The following COLGALT1 variants were observed in gnomAD, a reference collection of about 807,000 sequenced individuals.
COLGALT1 encodes collagen beta(1-O)galactosyltransferase 1.
Under a neutral mutation model 60.8 loss-of-function variants are expected in COLGALT1, and 43 were observed. That is an observed-to-expected ratio of 0.71 (90% CI 0.55 to 0.91). The LOEUF is 0.91. COLGALT1 is among the 40% of genes least tolerant of loss of function. The pLI, the probability that COLGALT1 is intolerant of heterozygous loss-of-function variation, is 0.00. For missense variants in COLGALT1, 845 were observed against 880.0 expected (o/e 0.96, Z 0.50); for synonymous variants, 369 against 374.2 (o/e 0.99, Z 0.16).
At chr19:17,568,429 G>A (rs1268503106) in intron 4 of COLGALT1, 80 bp from the exon 5 acceptor site, 2 of 1,283,030 alleles carry the variant, frequency 1.6e-6, no homozygotes, top group African/African-American at 1.5e-5. Context: ...GTCTGGTCCT[G>A]TTTCATGCCG....
In COLGALT1 at chr19:17,582,357, T is replaced by G. The variant is rs564232734; in HGVS notation, c.*913T>G. On this transcript the variant is annotated 3_prime_UTR_variant, in exon 12 of 12. Transcript: ENST00000252599. The stretch of plus-strand genomic sequence containing the variant: ...TGAGCACCTGCTGTGTGCAGGGAGC[T>G]GAGCTATGGGATGGGAATGGGAGTA... The G allele has an allele frequency of 6.6e-6, 1 of 152,360 alleles. No individual in the cohort carries two copies. Among genetic ancestry groups the G allele is most frequent in the African/African-American group, 2.4e-5 (1 of 41,566 alleles). 9.4% of individuals were successfully genotyped at this position (152,360 alleles called of 1,614,324 possible).
At chr19:17,567,755 A>G (rs577202519) in intron 4 of COLGALT1, among the ~76,000 whole-genome samples, 27 of 151,496 alleles carry the variant, frequency 1.8e-4, no homozygotes, top group African/African-American at 4.6e-4. Context: ...CCTGGGCAAC[A>G]TGGTGAAACC....
At chr19:17,564,301 A>G (rs1599781212) in intron 3 of COLGALT1, among the ~76,000 whole-genome samples, 2 of 120,378 alleles carry the variant, frequency 1.7e-5, no homozygotes, top group African/African-American at 5.9e-5. Context: ...GTGTATACAT[A>G]TATACATATA....
At chr19:17,561,153 C>T (rs1385733853) in intron 3 of COLGALT1, among the ~76,000 whole-genome samples, 6 of 151,518 alleles carry the variant, frequency 4.0e-5, no homozygotes, top group Admixed American at 6.6e-5. Flanking sequence ...TGCAGTGAGC[C>T]GAGATCGTGC....
At position 17,577,473 on chromosome 19, in the gene COLGALT1, T is replaced by A; in HGVS notation, c.1133+6T>A. 1 of 86,428 alleles carries A rather than the reference T, an allele frequency of 1.2e-5. No homozygotes were observed. The highest frequency in any genetic ancestry group is 2.9e-4 in the South Asian group (1 of 3,478). The allele number at this position is 86,428 out of a possible 1,614,324, so 5.4% of individuals were successfully genotyped here. A position where few individuals can be genotyped will look rare whatever the true frequency, so the allele number is the denominator to read the frequency against. On this transcript the variant is annotated splice_donor_region_variant and intron_variant, in intron 8 of 11. Transcript: ENST00000252599. ...GTGGAGGCCGTGGACGGCAAGTGAG[T>A]CCGAGGCCTGGGGGTGGGGGGGCGG... is the stretch of plus-strand genomic sequence containing the variant.
intron 5 of COLGALT1, among the ~76,000 whole-genome samples, chr19:17,570,716 C>T (rs2076307688): frequency 6.6e-6 from 1 of 152,022 alleles, no homozygotes; most frequent in African/African-American, 2.4e-5. Context: ...CAGGTGTGCA[C>T]CACCACGCCT....
intron 10 of COLGALT1, 69 bp from the exon 11 acceptor site, chr19:17,580,630 C>T: frequency 6.6e-7 from 1 of 1,524,880 alleles, no homozygotes; most frequent in Non-Finnish European, 9.0e-7. Flanking sequence ...GTAACTAGAT[C>T]CCTGGCTTTC....
chr19:17,577,332 G>C (rs774921175), intron 7 of COLGALT1, 29 bp from the exon 8 acceptor site: 4 of 1,607,478 alleles, frequency 2.5e-6, no homozygotes, highest in East Asian at 4.5e-5. Context: ...TGCAGGGGCT[G>C]ATCTGGCTGG....
intron 4 of COLGALT1, 101 bp downstream of exon 4, chr19:17,567,641 CA>C: frequency 7.3e-6 from 10 of 1,376,318 alleles, no homozygotes; most frequent in Non-Finnish European, 9.9e-6. Context: ...GTGTGTTTTA[CA>C]AAAATCATCA....
intron 3 of COLGALT1, among the ~76,000 whole-genome samples, chr19:17,561,038 C>G (rs990197372): frequency 3.3e-5 from 5 of 151,710 alleles, no homozygotes. Flanking sequence ...GACTCCATCT[C>G]TACTAAAAAT....
rs10423214 is a variant in COLGALT1, at chr19:17,582,013, A to G, written c.*569A>G. ...AGCCTGCGCCTCCCAGCGTCCAGCA[A>G]TTCTTGTTTCTCGGCCTCCCAAGTA... On this transcript the variant is annotated 3_prime_UTR_variant, in exon 12 of 12. Coordinates refer to ENST00000252599, the MANE Select transcript of COLGALT1 (RefSeq NM_024656.4). 0.053 allele frequency: 8,215 copies of G among 155,060 alleles called. 718 individuals are homozygous for G. Among genetic ancestry groups the G allele is most frequent in the African/African-American group, 0.18 (7,606 of 41,208 alleles). The allele number at this position is 155,060 out of a possible 1,614,324, so 9.6% of individuals were successfully genotyped here.
In COLGALT1 at chr19:17,581,170, C is replaced by T. The variant is rs377243848; in HGVS notation, c.1602-7C>T. The T allele has an allele frequency of 6.2e-7, 1 of 1,603,134 alleles. No homozygotes were observed. The highest frequency in any genetic ancestry group is 8.5e-7 in the Non-Finnish European group (1 of 1,175,844). ...GCTGCCCCTCACTCCCCTCCTCCTCCCCCCAGGTCCGAGTACAAGGCCCAC... is the reference window on the plus strand; with the variant it reads ...GCTGCCCCTCACTCCCCTCCTCCTCTCCCCAGGTCCGAGTACAAGGCCCAC... On this transcript the variant is annotated splice_region_variant and splice_polypyrimidine_tract_variant and intron_variant, in intron 11 of 11. Transcript: ENST00000252599.
In COLGALT1 at chr19:17,577,958, G is replaced by A. The variant is rs2076354678; in HGVS notation, c.1135G>A (p.Ala379Thr). The A allele has an allele frequency of 6.2e-7, 1 of 1,609,360 alleles. No homozygotes were observed. Among genetic ancestry groups the A allele is most frequent in the African/African-American group, 1.3e-5 (1 of 74,760 alleles). ...TGACCCTCTCCTCCTCCTCTCCAGAGCCATGAACACCAGCCAGGTGGAGGC... is the reference window on the plus strand; with the variant it reads ...TGACCCTCTCCTCCTCCTCTCCAGAACCATGAACACCAGCCAGGTGGAGGC... ...CRLVEAVDGK[A>T]MNTSQVEALG... The change falls in exon 9 of 12, where the codon GCC (alanine) becomes ACC (threonine). Residue 379 changes from alanine (A) to threonine (T), a missense_variant and splice_region_variant. Physicochemically the swap from Ala to Thr is moderately conservative, Grantham distance 58 (BLOSUM62 0). Coordinates refer to ENST00000252599, the MANE Select transcript of COLGALT1 (RefSeq NM_024656.4).
chr19:17,556,473 CA>C, intron 1 of COLGALT1: 1 of 949,342 alleles, frequency 1.1e-6, no homozygotes, highest in African/African-American at 1.8e-5. Context: ...AGGCCCCAGT[CA>C]AACCCCTGCC....
At chr19:17,558,910 C>T (rs1461120299) in intron 1 of COLGALT1, among the ~76,000 whole-genome samples, 1 of 151,940 alleles carries the variant, frequency 6.6e-6, no homozygotes, top group Non-Finnish European at 1.5e-5. Context: ...TTGTTAAGTC[C>T]AGCACTTTGG....
intron 3 of COLGALT1, among the ~76,000 whole-genome samples, chr19:17,564,609 G>A (rs1325219991): frequency 6.6e-6 from 1 of 151,612 alleles, no homozygotes; most frequent in Non-Finnish European, 1.5e-5. Flanking sequence ...GTGGAGATGG[G>A]GTTTCGCCAT....
At chr19:17,559,470 C>T (rs1470810061) in intron 2 of COLGALT1, 49 bp downstream of exon 2, 7 of 1,390,086 alleles carry the variant, frequency 5.0e-6, no homozygotes, top group South Asian at 3.7e-5. Flanking sequence ...TGCCTCTGCT[C>T]ACACACCCTC....
intron 3 of COLGALT1, among the ~76,000 whole-genome samples, chr19:17,562,256 A>G (rs1029181641): frequency 3.9e-5 from 6 of 152,224 alleles, no homozygotes; most frequent in African/African-American, 1.2e-4. Flanking sequence ...AGTGGTGGCT[A>G]GAGGTCCAAC....
At chr19:17,560,820 C>T (rs1746906463) in intron 3 of COLGALT1, among the ~76,000 whole-genome samples, 1 of 151,708 alleles carries the variant, frequency 6.6e-6, no homozygotes, top group African/African-American at 2.4e-5. Flanking sequence ...GCAACCTCTG[C>T]CTCCTGGGTT....
Sources: allele counts gnomAD v4.1 joint callset (sites outside exome capture counted in the v4.1 genomes callset), GRCh38; gene constraint gnomAD v4.1.1; transcripts MANE v1.5; gene names NCBI Gene and HGNC (gene_info 2026-07-23, HGNC 2026-07-21).